Variants in SENP1 observed in about 807,000 individuals in gnomAD.
The protein encoded by SENP1 is sentrin-specific protease 1.
Under a neutral mutation model 93.0 loss-of-function variants are expected in SENP1, and 21 were observed. The ratio of observed to expected loss-of-function variants is 0.23; its 90% CI spans 0.16 to 0.33. SENP1 has a LOEUF of 0.33. Among genes scored for constraint, SENP1 ranks in the 10% least tolerant of loss-of-function variants. The pLI is 1.00. For synonymous variants in SENP1, 256 were observed against 259.6 expected, an observed-to-expected ratio of 0.99 and a Z score of 0.13; for missense variants, 591 against 758.7, an observed-to-expected ratio of 0.78 and a Z score of 2.60.
At chr12:48,054,620 T>C (rs971267412) in intron 13 of SENP1, among the ~76,000 whole-genome samples, 2 of 152,064 alleles carry the variant, frequency 1.3e-5, no homozygotes, top group African/African-American at 2.4e-5. Context: ...TGAAACCCCA[T>C]CTCTACTAAA....
At chr12:48,049,872 C>T (rs1003261462) in intron 13 of SENP1, among the ~76,000 whole-genome samples, 26 of 152,178 alleles carry the variant, frequency 1.7e-4, no homozygotes, top group African/African-American at 4.6e-4. Context: ...TGAAGAATAA[C>T]GTTCTACCCC....
chr12:48,074,805 C>CA lies in SENP1; in HGVS notation c.553-13dup, dbSNP rs113215127. The CA allele has an allele frequency of 0.12, 115,729 of 953,782 alleles. 18 individuals are homozygous for CA. Among genetic ancestry groups the CA allele is most frequent in the South Asian group, 0.14 (6,396 of 46,722 alleles). The allele number at this position is 953,782 out of a possible 1,614,324, so 59.1% of individuals were successfully genotyped here. On this transcript the variant is annotated splice_polypyrimidine_tract_variant and intron_variant, in intron 6 of 17. Transcript: ENST00000549518. ...TCTTCTTGAACTGTCTATAAGAAAA[C>CA]AAAAAAAAAAAACAGTTTAAACACA...
At chr12:48,076,065 T>TA (rs1944049090) in intron 6 of SENP1, among the ~76,000 whole-genome samples, 1 of 152,356 alleles carries the variant, frequency 6.6e-6, no homozygotes, top group South Asian at 2.1e-4. Flanking sequence ...CATAAGGACT[T>TA]ACAACTCTGG....
intron 5 of SENP1, chr12:48,085,162 C>G: frequency 6.3e-6 from 9 of 1,433,192 alleles, no homozygotes; most frequent in Non-Finnish European, 8.9e-6. Context: ...AACTGCCACC[C>G]CAATTTCCTG....
At chr12:48,102,289 A>G (rs1945993471) in intron 1 of SENP1, among the ~76,000 whole-genome samples, 1 of 151,994 alleles carries the variant, frequency 6.6e-6, no homozygotes, top group Non-Finnish European at 1.5e-5. Context: ...ACAATTAGCC[A>G]GGTGTGGTGA....
rs886588 is a variant in SENP1 at position 48,083,639 on chromosome 12, A to G, written c.504T>C (p.Leu168=). ...PSWSGSCRRS[L]LSPKKTQRRH... is the part of the protein sequence containing the mutation. ...GCCTCTGAGTTTTCTTGGGGCTCAA[A>G]AGACTTCGACGACATGAACCACTCC... Residue 168 remains leucine (L), a synonymous_variant, in exon 6 of 18, where the codon CTT becomes CTC. Transcript: ENST00000549518. 320,899 of 1,612,868 alleles carry G rather than the reference A, an allele frequency of 0.2. 33,578 individuals carry two copies. The highest frequency in any genetic ancestry group is 0.25 in the East Asian group (11,338 of 44,848).
At chr12:48,065,917 A>G (rs1335125970) in intron 10 of SENP1, among the ~76,000 whole-genome samples, 2 of 152,108 alleles carry the variant, frequency 1.3e-5, no homozygotes, top group Non-Finnish European at 2.9e-5. Flanking sequence ...TGCCCGGGCT[A>G]GTCTCAAACT....
At chr12:48,085,715 C>CA (rs200416260) in intron 5 of SENP1, among the ~76,000 whole-genome samples, 17,034 of 115,164 alleles carry the variant, frequency 0.15, 1,602 homozygotes, top group African/African-American at 0.28. Context: ...TTGCTTCTCT[C>CA]AAAAAAAAAA....
rs1043641723 is a variant in SENP1, at chr12:48,066,851, A to G, written c.1034+76T>C. ...TTATTGGCAAAAAATAAGCAGGATGATTAGCTAATTGTTTGATTTCTTCTA... is the reference window on the plus strand; with the variant it reads ...TTATTGGCAAAAAATAAGCAGGATGGTTAGCTAATTGTTTGATTTCTTCTA... On this transcript the variant is annotated intron_variant, in intron 10 of 17. Transcript: ENST00000549518. 76 of 1,168,154 alleles carry G rather than the reference A, an allele frequency of 6.5e-5. 1 individual carries two copies. The highest frequency in any genetic ancestry group is 5.8e-4 in the South Asian group (43 of 74,740). 72.4% of individuals were successfully genotyped at this position (1,168,154 alleles called of 1,614,324 possible).
intron 5 of SENP1, among the ~76,000 whole-genome samples, chr12:48,088,350 C>T (rs979050876): frequency 2.0e-5 from 3 of 152,174 alleles, no homozygotes; most frequent in African/African-American, 7.2e-5. Flanking sequence ...TCACCGTGCC[C>T]GGTCTGTGAC....
chr12:48,101,292 A>G (rs1439236884), intron 2 of SENP1, among the ~76,000 whole-genome samples, 177 bp downstream of exon 2: 1 of 152,210 alleles, frequency 6.6e-6, no homozygotes, highest in African/African-American at 2.4e-5. Flanking sequence ...TTTCAAAAAT[A>G]GCAATAATAA....
chr12:48,085,511 T>C (rs140676443), intron 5 of SENP1: 120 of 539,196 alleles, frequency 2.2e-4, no homozygotes, highest in Middle Eastern at 2.0e-3. Context: ...CTTTACATTT[T>C]GAGCCTCTAA....
chr12:48,056,038 G>T (rs1942255147), intron 13 of SENP1, among the ~76,000 whole-genome samples: 1 of 122,778 alleles, frequency 8.1e-6, no homozygotes, highest in Non-Finnish European at 1.6e-5. Flanking sequence ...ACTTAATATA[G>T]TATAAATATA....
At chr12:48,064,367 G>A (rs893362204) in intron 12 of SENP1, among the ~76,000 whole-genome samples, 35 of 152,020 alleles carry the variant, frequency 2.3e-4, no homozygotes, top group African/African-American at 8.2e-4. Flanking sequence ...ATAAAGAAAC[G>A]GATTATCTAA....
At chr12:48,099,726 G>A (rs376970936) in intron 2 of SENP1, among the ~76,000 whole-genome samples, 1 of 151,944 alleles carries the variant, frequency 6.6e-6, no homozygotes, top group Non-Finnish European at 1.5e-5. Flanking sequence ...CATGAGAATC[G>A]CTTGAACCCA....
intron 4 of SENP1, among the ~76,000 whole-genome samples, chr12:48,095,617 G>A (rs917701216): frequency 3.3e-5 from 5 of 151,784 alleles, no homozygotes; most frequent in African/African-American, 9.7e-5. Context: ...GTAAGGCAAG[G>A]AGACTGAAGC....
chr12:48,071,075 C>T (rs1288646156), intron 9 of SENP1, among the ~76,000 whole-genome samples: 1 of 151,934 alleles, frequency 6.6e-6, no homozygotes, highest in Non-Finnish European at 1.5e-5. Context: ...CAGAGCAAGA[C>T]CCTGTCTCAA....
intron 12 of SENP1, 99 bp from the exon 13 acceptor site, chr12:48,063,940 C>T: frequency 2.7e-6 from 3 of 1,127,502 alleles, no homozygotes; most frequent in Non-Finnish European, 3.7e-6. Flanking sequence ...ATATTTATCA[C>T]CATTCGATTG....
At chr12:48,094,855 C>T (rs899482730) in intron 4 of SENP1, among the ~76,000 whole-genome samples, 2 of 152,048 alleles carry the variant, frequency 1.3e-5, no homozygotes, top group African/African-American at 4.8e-5. Context: ...TATAAGCAAA[C>T]ATAGCCTGAG....
Sources: allele counts gnomAD v4.1 joint callset (sites outside exome capture counted in the v4.1 genomes callset), GRCh38; gene constraint gnomAD v4.1.1; transcripts MANE v1.5; gene names NCBI Gene and HGNC (gene_info 2026-07-23, HGNC 2026-07-21).